CALN1: variants seen among roughly 807,000 people sequenced by gnomAD.
The protein encoded by CALN1 is calcium-binding protein 8.
CALN1 carries 17 observed loss-of-function variants against 30.6 expected under a neutral mutation model. That is an observed-to-expected ratio of 0.56 (90% CI 0.38 to 0.83). The LOEUF (loss-of-function observed/expected upper bound fraction) is 0.83, where lower values mean the gene tolerates loss of function less well. Among genes scored for constraint, CALN1 ranks in the 40% least tolerant of loss-of-function variants. The probability of loss-of-function intolerance (pLI) is 0.00; values close to 1 mark genes in which losing one functional copy is unlikely to be tolerated. For missense variants in CALN1, 291 were observed against 354.9 expected (o/e 0.82, Z 1.45); for synonymous variants, 156 against 131.4 (o/e 1.19, Z -1.28).
chr7:71,912,599 T>G (rs986769868), intron 5 of CALN1, among the ~76,000 whole-genome samples: 2 of 152,198 alleles, frequency 1.3e-5, no homozygotes, highest in Non-Finnish European at 1.5e-5. Flanking sequence ...TGGCTCTTTC[T>G]CAGGTAGGAC....
chr7:72,337,334 C>T (rs1388478051), intron 2 of CALN1: 2 of 966,444 alleles, frequency 2.1e-6, no homozygotes, highest in South Asian at 4.7e-5. Context: ...GCCCCCACCC[C>T]CCAACCTCCG....
At position 71,907,269 on chromosome 7, in the gene CALN1, AC is replaced by A. The variant is rs1562889815; in HGVS notation, c.502-96778del. Among the ~76,000 whole-genome samples the A allele has an allele frequency of 1.1e-4, 14 of 123,418 alleles. No homozygotes were observed. The East Asian group carries it at 4.5e-3, about 39-fold the overall frequency. 81.0% of individuals were successfully genotyped at this position (123,418 alleles called of 152,430 possible). ...ACACACACACACACACACACACACAACTTAAGGAAGGCTTGATGTGTTCCAT... is the reference window on the plus strand; with the variant it reads ...ACACACACACACACACACACACACAATTAAGGAAGGCTTGATGTGTTCCAT... On this transcript the variant is annotated intron_variant, in intron 5 of 6. Transcript: ENST00000395275.
chr7:72,290,874 C>G (rs1371547809), intron 2 of CALN1, among the ~76,000 whole-genome samples: 1 of 151,736 alleles, frequency 6.6e-6, no homozygotes, highest in African/African-American at 2.4e-5. Flanking sequence ...TTATTTTTCA[C>G]TGAGTATCAA....
rs150600925 is a variant in CALN1, at chr7:72,180,607, C to CTT, written c.245-74315_245-74314dup. Among the ~76,000 whole-genome samples the CTT allele has an allele frequency of 3.3e-3, 300 of 89,978 alleles. 1 individual carries two copies. Among genetic ancestry groups the CTT allele is most frequent in the African/African-American group, 4.4e-3 (92 of 20,870 alleles). 59.0% of individuals were successfully genotyped at this position (89,978 alleles called of 152,430 possible). On this transcript the variant is annotated intron_variant, in intron 3 of 6. Transcript: ENST00000395275. ...TGAAATACTGTTTATGCTTTTTTTTCTTTTTTTTTTTTTTTTTAGAGACAG... is the reference window on the plus strand; with the variant it reads ...TGAAATACTGTTTATGCTTTTTTTTCTTTTTTTTTTTTTTTTTTTAGAGACAG...
chr7:71,963,552 A>G (rs1391806701), intron 5 of CALN1, among the ~76,000 whole-genome samples: 2 of 149,926 alleles, frequency 1.3e-5, no homozygotes, highest in South Asian at 2.1e-4. Context: ...TGATCCGCCC[A>G]CCTTGGCCTC....
rs563069174 is a variant in CALN1, at chr7:72,367,535, G to A, written c.119+35716C>T. Among the ~76,000 whole-genome samples, 4 of 152,252 alleles carry A rather than the reference G, an allele frequency of 2.6e-5. No homozygotes were observed. The East Asian group carries it at 5.8e-4, about 22-fold the overall frequency. On this transcript the variant is annotated intron_variant, in intron 2 of 6. Transcript: ENST00000395275. ...AGCTACTTGGAAGGCTGAGACAGGA[G>A]GATGGCTTGGGCACAGTATTTCAAG...
intron 3 of CALN1, among the ~76,000 whole-genome samples, chr7:72,271,363 C>A (rs546467124): frequency 6.6e-5 from 10 of 151,396 alleles, no homozygotes; most frequent in Admixed American, 2.6e-4. Flanking sequence ...AATTTCACAT[C>A]TATAGAGGTT....
intron 5 of CALN1, among the ~76,000 whole-genome samples, chr7:71,989,537 G>A (rs1039502895): frequency 6.6e-6 from 1 of 151,646 alleles, no homozygotes; most frequent in Non-Finnish European, 1.5e-5. Context: ...TCTGAGAAAC[G>A]ATGTAGAAAG....
intron 2 of CALN1, among the ~76,000 whole-genome samples, chr7:72,328,486 G>A (rs774917616): frequency 6.6e-6 from 1 of 152,174 alleles, no homozygotes; most frequent in Non-Finnish European, 1.5e-5. Flanking sequence ...AGTGCATCAA[G>A]CCTCTTTCCT....
chr7:72,328,619 A>T (rs1801446688), intron 2 of CALN1, among the ~76,000 whole-genome samples: 1 of 152,218 alleles, frequency 6.6e-6, no homozygotes, highest in Non-Finnish European at 1.5e-5. Flanking sequence ...CTCCCAAAAT[A>T]AGATGGTAGG....
chr7:72,286,245 A>G (rs1798070167), intron 2 of CALN1, among the ~76,000 whole-genome samples: 1 of 151,890 alleles, frequency 6.6e-6, no homozygotes, highest in African/African-American at 2.4e-5. Flanking sequence ...GAATTGCTTT[A>G]TTAAAGCAGC....
At chr7:72,164,922 C>T (rs925713335) in intron 3 of CALN1, among the ~76,000 whole-genome samples, 4 of 149,780 alleles carry the variant, frequency 2.7e-5, no homozygotes, top group African/African-American at 9.8e-5. Flanking sequence ...CTCAGACTCC[C>T]GGCCTCAAGG....
intron 5 of CALN1, among the ~76,000 whole-genome samples, chr7:72,013,694 C>G (rs2129529465): frequency 6.6e-6 from 1 of 151,974 alleles, no homozygotes; most frequent in Non-Finnish European, 1.5e-5. Flanking sequence ...TTTTCTATGA[C>G]TATAAATGGA....
chr7:72,298,620 TTGAAGCAAATTAA>T (rs1322149150), intron 2 of CALN1, among the ~76,000 whole-genome samples: 2 of 152,074 alleles, frequency 1.3e-5, no homozygotes, highest in Non-Finnish European at 2.9e-5. Context: ...ATTAGTCTAG[TTGAAGCAAATTAA>T]TATAATCTGT....
At chr7:71,898,345 A>G (rs1347163909) in intron 5 of CALN1, among the ~76,000 whole-genome samples, 8 of 152,166 alleles carry the variant, frequency 5.3e-5, no homozygotes, top group Admixed American at 3.9e-4. Context: ...AGAAAGAAAG[A>G]AAAGAAAATA....
At chr7:72,413,570 C>T (rs1266911068), upstream of CALN1, among the ~76,000 whole-genome samples, 1 of 149,710 alleles carries the variant, frequency 6.7e-6, no homozygotes, top group Admixed American at 6.6e-5. Context: ...CTCATGCACA[C>T]CACACACACA....
intron 5 of CALN1, among the ~76,000 whole-genome samples, chr7:72,003,519 G>A (rs181123970): frequency 1.3e-4 from 20 of 152,252 alleles, no homozygotes; most frequent in Admixed American, 2.6e-4. Flanking sequence ...CCCATCGCTC[G>A]CATTACCACC....
the CALN1 span, among the ~76,000 whole-genome samples, chr7:72,503,318 G>A: frequency 3.3e-5 from 5 of 151,678 alleles, no homozygotes; most frequent in East Asian, 9.8e-4. Context: ...ATGTTCCTAA[G>A]CCAAACTCCA....
chr7:72,325,889 G>A (rs1179784318), intron 2 of CALN1, among the ~76,000 whole-genome samples: 2 of 152,082 alleles, frequency 1.3e-5, no homozygotes, highest in Non-Finnish European at 2.9e-5. Context: ...CAAAAAATGT[G>A]ATTTAACTGT....
Sources: gnomAD v4.1 joint callset for allele counts (sites outside exome capture counted in the v4.1 genomes callset) on GRCh38, gnomAD v4.1.1 for gene constraint, MANE v1.5 for transcripts, NCBI Gene and HGNC (gene_info 2026-07-23, HGNC 2026-07-21) for gene names.